The following POU6F2 variants were observed in gnomAD, a reference collection of about 807,000 sequenced individuals.
POU6F2 encodes the protein POU class 6 homeobox 2, also known as POU domain, class 6, transcription factor 2.
Under a neutral mutation model 71.3 loss-of-function variants are expected in POU6F2, and 31 were observed. That is an observed-to-expected ratio of 0.43 (90% CI 0.33 to 0.59). The LOEUF (loss-of-function observed/expected upper bound fraction) is 0.59. Among genes scored for constraint, POU6F2 ranks in the 20% least tolerant of loss-of-function variants. The pLI is 0.04. For missense variants in POU6F2, 783 were observed against 856.8 expected (o/e 0.91, Z 1.07); for synonymous variants, 347 against 355.7 (o/e 0.98, Z 0.27).
At chr7:38,985,475 G>T (rs1788440963) in intron 1 of POU6F2, among the ~76,000 whole-genome samples, 2 of 151,942 alleles carry the variant, frequency 1.3e-5, no homozygotes, top group South Asian at 4.2e-4. Context: ...ATATCCTTAG[G>T]GTTACAATAT....
At chr7:39,453,870 A>G (rs961296610) in intron 8 of POU6F2, among the ~76,000 whole-genome samples, 2 of 152,216 alleles carry the variant, frequency 1.3e-5, no homozygotes, top group Admixed American at 1.3e-4. Flanking sequence ...ACCCATATGC[A>G]GAGACTGAAT....
chr7:39,222,708 G>A (rs1794394504), intron 4 of POU6F2, among the ~76,000 whole-genome samples: 1 of 152,124 alleles, frequency 6.6e-6, no homozygotes, highest in Admixed American at 6.5e-5. Context: ...ATGTTTTCAA[G>A]GTTCATTCAT....
intron 2 of POU6F2, among the ~76,000 whole-genome samples, chr7:39,194,529 A>G (rs1211458767): frequency 6.6e-6 from 1 of 151,416 alleles, no homozygotes; most frequent in Non-Finnish European, 1.5e-5. Context: ...AAAACGGAGC[A>G]ATCAGCACTC....
At chr7:39,282,796 T>C (rs1394275841) in intron 4 of POU6F2, among the ~76,000 whole-genome samples, 1 of 152,162 alleles carries the variant, frequency 6.6e-6, no homozygotes, top group East Asian at 1.9e-4. Context: ...AATTTTAAGA[T>C]TGTTTTTCTA....
intron 9 of POU6F2, among the ~76,000 whole-genome samples, chr7:39,461,269 A>G (rs1434979991): frequency 1.3e-5 from 2 of 152,202 alleles, no homozygotes; most frequent in Non-Finnish European, 2.9e-5. Flanking sequence ...GCTGCTTTAA[A>G]TGGCTCAGAA....
chr7:39,299,138 C>T (rs974650723), intron 4 of POU6F2, among the ~76,000 whole-genome samples: 11 of 151,926 alleles, frequency 7.2e-5, no homozygotes, highest in African/African-American at 2.2e-4. Flanking sequence ...CAAACCTGCA[C>T]GTTCTGCACA....
intron 5 of POU6F2, among the ~76,000 whole-genome samples, chr7:39,405,525 A>G (rs760478135): frequency 1.1e-4 from 16 of 152,168 alleles, no homozygotes; most frequent in Non-Finnish European, 1.9e-4. Context: ...TGGAAAATGC[A>G]TTATTTCCAA....
At chr7:39,300,698 C>T (rs1447685251) in intron 4 of POU6F2, among the ~76,000 whole-genome samples, 2 of 152,102 alleles carry the variant, frequency 1.3e-5, no homozygotes, top group Non-Finnish European at 2.9e-5. Context: ...CCTGAGAGGT[C>T]ACATCACCTT....
At chr7:39,288,105 T>G (rs4336506) in intron 4 of POU6F2, among the ~76,000 whole-genome samples, 1 of 152,046 alleles carries the variant, frequency 6.6e-6, no homozygotes, top group South Asian at 2.1e-4. Flanking sequence ...TAAAAAATAA[T>G]TAAAGACCAA....
At chr7:39,236,344 AC>A (rs1794676981) in intron 4 of POU6F2, among the ~76,000 whole-genome samples, 1 of 152,162 alleles carries the variant, frequency 6.6e-6, no homozygotes, top group South Asian at 2.1e-4. Flanking sequence ...ACATTTCAGT[AC>A]CTGTCATTTT....
At chr7:39,081,192 A>T (rs547782455) in intron 1 of POU6F2, among the ~76,000 whole-genome samples, 26 of 152,362 alleles carry the variant, frequency 1.7e-4, no homozygotes, top group African/African-American at 5.3e-4. Flanking sequence ...AAAAGTTGTT[A>T]GAATGTGAGA....
At chr7:39,085,802 C>T (rs979327498) in intron 1 of POU6F2, 58 bp from the exon 2 acceptor site, 45 of 1,536,766 alleles carry the variant, frequency 2.9e-5, no homozygotes, top group South Asian at 4.6e-5. Context: ...AGAGAGGACA[C>T]GCACTCTAAA....
rs1289894313 is a variant in POU6F2, at chr7:39,466,766, G to A, written c.*2080G>A. ...GGAAGTGGAACAAGTCACTCGTAAA[G>A]GTGTTTCCATTTTACCAGTCAATGC... On this transcript the variant is annotated 3_prime_UTR_variant, in exon 10 of 10. Transcript: ENST00000518318. 6.6e-6 allele frequency: 1 copy of A among 152,174 alleles called. No individual in the cohort carries two copies. Among genetic ancestry groups the A allele is most frequent in the African/African-American group, 2.4e-5 (1 of 41,436 alleles). The allele number at this position is 152,174 out of a possible 1,614,324, so 9.4% of individuals were successfully genotyped here. A position where few individuals can be genotyped will look rare whatever the true frequency, so the allele number is the denominator to read the frequency against.
chr7:39,442,540 T>C (rs1788428501), intron 7 of POU6F2, among the ~76,000 whole-genome samples: 1 of 152,344 alleles, frequency 6.6e-6, no homozygotes, highest in South Asian at 2.1e-4. Flanking sequence ...GATCTTATCA[T>C]TAAGGACTTT....
At chr7:39,269,294 T>G (rs1319958896) in intron 4 of POU6F2, among the ~76,000 whole-genome samples, 1 of 152,192 alleles carries the variant, frequency 6.6e-6, no homozygotes, top group Non-Finnish European at 1.5e-5. Context: ...AGGTGCAGCA[T>G]CAGCCACTCC....
chr7:39,038,399 A>G (rs1790111266), intron 1 of POU6F2, among the ~76,000 whole-genome samples: 1 of 152,044 alleles, frequency 6.6e-6, no homozygotes, highest in South Asian at 2.1e-4. Context: ...TTAATATAAA[A>G]TGGTAAATTT....
At chr7:39,292,951 C>T (rs1313018630) in intron 4 of POU6F2, among the ~76,000 whole-genome samples, 2 of 152,176 alleles carry the variant, frequency 1.3e-5, no homozygotes, top group Non-Finnish European at 2.9e-5. Context: ...TGAGCCGTTT[C>T]GTACCTCCCT....
chr7:39,149,888 T>A (rs1317296391), intron 2 of POU6F2, among the ~76,000 whole-genome samples: 2 of 150,282 alleles, frequency 1.3e-5, no homozygotes, highest in African/African-American at 4.9e-5. Context: ...AGATTTCCTT[T>A]TTTTTTTTTT....
chr7:39,074,086 C>T (rs578199624), intron 1 of POU6F2, among the ~76,000 whole-genome samples: 3 of 152,276 alleles, frequency 2.0e-5, no homozygotes, highest in Non-Finnish European at 2.9e-5. Context: ...TGGTGGCTTA[C>T]GCCTGTAATC....
Sources: gnomAD v4.1 joint callset for allele counts (sites outside exome capture counted in the v4.1 genomes callset) on GRCh38, gnomAD v4.1.1 for gene constraint, MANE v1.5 for transcripts, NCBI Gene and HGNC (gene_info 2026-07-23, HGNC 2026-07-21) for gene names.